The following TXLNB variants were observed in gnomAD, a reference collection of about 807,000 sequenced individuals.
TXLNB encodes the protein taxilin beta, also known as beta-taxilin.
Under a neutral mutation model 57.4 loss-of-function variants are expected in TXLNB, and 37 were observed. The ratio of observed to expected loss-of-function variants is 0.64; its 90% CI spans 0.50 to 0.85. The LOEUF is 0.85. Ranked by LOEUF, TXLNB falls within the 40% of genes least tolerant of loss-of-function variation. The pLI is 0.00. For missense variants in TXLNB, 848 were observed against 825.6 expected (o/e 1.03, Z -0.33); for synonymous variants, 302 against 309.6 (o/e 0.98, Z 0.26).
intron 6 of TXLNB, among the ~76,000 whole-genome samples, chr6:139,256,462 T>G (rs1291424888): frequency 6.6e-6 from 1 of 152,228 alleles, no homozygotes; most frequent in Admixed American, 6.5e-5. Context: ...TCTCAGTAAC[T>G]GGAATTACAG....
chr6:139,288,965 C>A, intron 1 of TXLNB, 52 bp from the exon 2 acceptor site: 1 of 1,307,926 alleles, frequency 7.6e-7, no homozygotes, highest in Non-Finnish European at 1.1e-6. Flanking sequence ...TGCTACATAT[C>A]AATGCTACAT....
chr6:139,209,244 G>A, the TXLNB span, among the ~76,000 whole-genome samples: 2 of 152,232 alleles, frequency 1.3e-5, no homozygotes, highest in South Asian at 4.1e-4. Flanking sequence ...CCTAATCAAG[G>A]AGGTGAAAGA....
chr6:139,306,560 A>T, the TXLNB span, among the ~76,000 whole-genome samples: 2 of 152,184 alleles, frequency 1.3e-5, no homozygotes, highest in Non-Finnish European at 2.9e-5. Context: ...AAGATATTTC[A>T]ATCCACTTCC....
Position 139,260,253 on chromosome 6 carries a change from C to T in TXLNB, c.1002+65G>A, listed in dbSNP as rs1259617583. ...AAATAAATAAATAAATACAAAACAA[C>T]TTGCTCAGAGTGTCTCTGACACTGA... On this transcript the variant is annotated intron_variant, in intron 6 of 9. Transcript: ENST00000358430. 4 of 1,540,738 alleles carry T rather than the reference C, an allele frequency of 2.6e-6. No individual in the cohort carries two copies. In the African/African-American group the frequency reaches 4.2e-5, roughly 16 times the overall value.
chr6:139,309,829 TAC>T, the TXLNB span, among the ~76,000 whole-genome samples: 9 of 151,996 alleles, frequency 5.9e-5, no homozygotes, highest in East Asian at 1.7e-3. Context: ...AAATCAAACA[TAC>T]ATGGACAACA....
chr6:139,166,271 A>G, the TXLNB span: 7 of 1,576,888 alleles, frequency 4.4e-6, no homozygotes, highest in Non-Finnish European at 6.0e-6. Flanking sequence ...TTCTCTCTTT[A>G]TTCCTCCCCC....
In TXLNB at chr6:139,285,687, G is replaced by A. The variant is rs772418786; in HGVS notation, c.424+2789C>T. On this transcript the variant is annotated intron_variant, in intron 2 of 9. Transcript: ENST00000358430. ...TAGCAATGGGTTTTAGCATCATAGC[G>A]ATATCTGTAGGAAAATAGCCCCTTG... 8.8e-4 allele frequency among the ~76,000 whole-genome samples: 127 copies of A among 144,900 alleles called. 13 individuals carry two copies. Among genetic ancestry groups the A allele is most frequent in the Non-Finnish European group, 1.5e-3 (99 of 65,204 alleles).
In TXLNB at chr6:139,270,806, A is replaced by C. The variant is rs188141884; in HGVS notation, c.517-180T>G. 3.3e-5 allele frequency among the ~76,000 whole-genome samples: 5 copies of C among 152,340 alleles called. No individual in the cohort carries two copies. In the East Asian group the frequency reaches 9.7e-4, roughly 29 times the overall value. Reference sequence around the variant, plus strand: ...ACCTTTGTAGTACTTGAAGGTATATAGTTTTTAGAACACAGCATTGATAGG... The same window carrying C: ...ACCTTTGTAGTACTTGAAGGTATATCGTTTTTAGAACACAGCATTGATAGG... On this transcript the variant is annotated intron_variant, in intron 3 of 9. Transcript: ENST00000358430.
At chr6:139,193,739 C>T in the TXLNB span, among the ~76,000 whole-genome samples, 1 of 151,342 alleles carries the variant, frequency 6.6e-6, no homozygotes, top group South Asian at 2.1e-4. Context: ...CTGCAACCTC[C>T]ACCTCCTGGG....
rs1398849580 is a variant in TXLNB, at chr6:139,247,831, G to A, written c.1156C>T (p.Gln386Ter). Residue 386 changes from glutamine to a stop codon, truncating the protein, a stop_gained, in exon 8 of 10, where the codon CAG (glutamine) becomes TAG (stop). Coordinates refer to ENST00000358430, the MANE Select transcript of TXLNB (RefSeq NM_153235.4). LOFTEE classifies it high-confidence loss of function. ...GCAATACTCACTTTGTCCATTTCCTGTTTGAACGTGGCAAACACCTCGTTG... is the reference window on the plus strand; with the variant it reads ...GCAATACTCACTTTGTCCATTTCCTATTTGAACGTGGCAAACACCTCGTTG... ...KSNEVFATFK[Q>*]EMDKTTKKMK... The A allele has an allele frequency of 6.2e-7, 1 of 1,603,888 alleles. No individual in the cohort carries two copies. The highest frequency in any genetic ancestry group is 8.5e-7 in the Non-Finnish European group (1 of 1,174,832).
rs752098016 is a variant in TXLNB at position 139,244,655 on chromosome 6, T to C, written c.1206A>G (p.Thr402=). The C allele has an allele frequency of 3.7e-6, 6 of 1,613,972 alleles. No homozygotes were observed. Among genetic ancestry groups the C allele is most frequent in the South Asian group, 1.1e-5 (1 of 91,074 alleles). The change falls in exon 9 of 10, where the codon ACA becomes ACG. Residue 402 remains threonine, a synonymous_variant. Coordinates refer to ENST00000358430, the MANE Select transcript of TXLNB (RefSeq NM_153235.4). ...TKKMKKLEKD[T]ATWKARFENC... ...TCTCAAATCGGGCTTTCCATGTGGC[T>C]GTGTCCTTTTCCAGCTTCTTCATTT...
At chr6:139,193,823 TA>T in the TXLNB span, among the ~76,000 whole-genome samples, 254 of 36,002 alleles carry the variant, frequency 7.1e-3, 1 homozygote, top group African/African-American at 0.028. Context: ...CTGGCTAATT[TA>T]TATATATATA....
intron 2 of TXLNB, among the ~76,000 whole-genome samples, chr6:139,279,349 G>A (rs1479029941): frequency 6.6e-6 from 1 of 152,142 alleles, no homozygotes; most frequent in Non-Finnish European, 1.5e-5. Flanking sequence ...CTGCTCTACT[G>A]TGTTATTTTG....
the TXLNB span, among the ~76,000 whole-genome samples, chr6:139,189,723 A>AT: frequency 2.0e-5 from 3 of 152,124 alleles, no homozygotes; most frequent in South Asian, 6.2e-4. Flanking sequence ...GTTTGCGGGG[A>AT]GAGAGGTCAG....
At chr6:139,292,545 GGTTT>G (rs777749991), upstream of TXLNB, among the ~76,000 whole-genome samples, 1 of 152,134 alleles carries the variant, frequency 6.6e-6, no homozygotes. This position sits in a 1 kb window ranked among gnomAD's most constrained non-coding sequence, Gnocchi z 4.0. Flanking sequence ...GTCATTGTTT[GGTTT>G]GTTTGCAAAG....
At chr6:139,307,738 T>A in the TXLNB span, among the ~76,000 whole-genome samples, 32 of 152,354 alleles carry the variant, frequency 2.1e-4, no homozygotes, top group South Asian at 5.2e-3. Context: ...TCTTTGGATA[T>A]CTAAACAAAT....
At chr6:139,286,151 G>GA (rs1318586788) in intron 2 of TXLNB, among the ~76,000 whole-genome samples, 1 of 151,800 alleles carries the variant, frequency 6.6e-6, no homozygotes, top group East Asian at 1.9e-4. Flanking sequence ...AAAAATATTA[G>GA]AAAAAACAGT....
chr6:139,317,528 T>C, the TXLNB span, among the ~76,000 whole-genome samples: 474 of 151,950 alleles, frequency 3.1e-3, no homozygotes, highest in African/African-American at 0.011. Flanking sequence ...GCATCCCGAG[T>C]AGCTGGGACT....
chr6:139,239,816 G>GC (rs1775883054), downstream of TXLNB, among the ~76,000 whole-genome samples: 1 of 151,818 alleles, frequency 6.6e-6, no homozygotes, highest in South Asian at 2.1e-4. This position sits in a 1 kb window ranked among gnomAD's most constrained non-coding sequence, Gnocchi z 4.7. Context: ...TGTAACTGTA[G>GC]CCTCATTGTT....
Sources: gnomAD v4.1 joint callset for allele counts (sites outside exome capture counted in the v4.1 genomes callset) on GRCh38, gnomAD v4.1.1 for gene constraint, Gnocchi (gnomAD v3.1) non-coding constraint, MANE v1.5 for transcripts, NCBI Gene and HGNC (gene_info 2026-07-23, HGNC 2026-07-21) for gene names.